The following TMCO5A variants were observed in gnomAD, a reference collection of about 807,000 sequenced individuals.
The protein encoded by TMCO5A is transmembrane and coiled-coil domain-containing protein 5A.
Under a neutral mutation model 42.3 loss-of-function variants are expected in TMCO5A, and 34 were observed. The observed-to-expected ratio is 0.80, with a 90% confidence interval of 0.61 to 1.07. The LOEUF is 1.07. TMCO5A is among the 50% of genes least tolerant of loss of function. The pLI, the probability that TMCO5A is intolerant of heterozygous loss-of-function variation, is 0.00. For missense variants in TMCO5A, 357 were observed against 327.9 expected (o/e 1.09, Z -0.69); for synonymous variants, 131 against 115.6 (o/e 1.13, Z -0.86).
chr15:38,013,309 C>T, the TMCO5A span, among the ~76,000 whole-genome samples: 1 of 150,956 alleles, frequency 6.6e-6, no homozygotes, highest in Admixed American at 6.6e-5. Context: ...CCAAGCACCA[C>T]AGGAAGGAGG....
chr15:37,942,313 C>T, intron 9 of TMCO5A, 58 bp downstream of exon 9: 3 of 1,525,310 alleles, frequency 2.0e-6, no homozygotes, highest in Non-Finnish European at 2.7e-6. Flanking sequence ...CAGCCTGAGT[C>T]AGAGCAAACA....
the TMCO5A span, among the ~76,000 whole-genome samples, chr15:38,012,900 C>T: frequency 6.6e-6 from 1 of 152,076 alleles, no homozygotes; most frequent in Non-Finnish European, 1.5e-5. Context: ...ATAGAGAAAT[C>T]TAAAGATTAC....
chr15:37,996,438 T>C, the TMCO5A span, among the ~76,000 whole-genome samples: 2 of 152,232 alleles, frequency 1.3e-5, no homozygotes, highest in African/African-American at 4.8e-5. Context: ...TTTGGGCTTC[T>C]CAACTCAAAA....
downstream of TMCO5A, among the ~76,000 whole-genome samples, chr15:37,970,620 G>A (rs1890655092): frequency 6.6e-6 from 1 of 152,212 alleles, no homozygotes; most frequent in Non-Finnish European, 1.5e-5. Flanking sequence ...GACAAGGAAA[G>A]TCCCTTCTGC....
chr15:38,036,291 A>G, the TMCO5A span, among the ~76,000 whole-genome samples: 5 of 152,186 alleles, frequency 3.3e-5, no homozygotes, highest in Middle Eastern at 3.4e-3. Flanking sequence ...ATCTTTTCCA[A>G]TGCTAGTCTC....
At chr15:38,029,489 G>A in the TMCO5A span, among the ~76,000 whole-genome samples, 1 of 151,982 alleles carries the variant, frequency 6.6e-6, no homozygotes, top group African/African-American at 2.4e-5. Context: ...TTGAGACAGG[G>A]TCTCTGTGTC....
At chr15:37,960,580 C>T (rs2065060258) in intron 11 of TMCO5A, among the ~76,000 whole-genome samples, 1 of 152,018 alleles carries the variant, frequency 6.6e-6, no homozygotes, top group African/African-American at 2.4e-5. Flanking sequence ...GGTAGTTCTA[C>T]TTTTAGTTGT....
At chr15:37,944,140 T>C (rs896874416) in intron 10 of TMCO5A, 1 of 152,118 alleles carries the variant, frequency 6.6e-6, no homozygotes, top group African/African-American at 2.4e-5. Context: ...AACACTTCCT[T>C]AAAAGCAAAT....
chr15:38,025,038 T>C, the TMCO5A span: 1 of 152,206 alleles, frequency 6.6e-6, no homozygotes, highest in Non-Finnish European at 1.5e-5. Context: ...TTTGTGATAG[T>C]TTGTTATGGC....
the TMCO5A span, among the ~76,000 whole-genome samples, chr15:37,977,293 GC>G: frequency 2.6e-5 from 4 of 152,116 alleles, no homozygotes; most frequent in African/African-American, 9.7e-5. Context: ...AGACACTCTG[GC>G]TTTTTGAGCT....
At chr15:38,029,275 T>C in the TMCO5A span, among the ~76,000 whole-genome samples, 2 of 151,854 alleles carry the variant, frequency 1.3e-5, no homozygotes, top group Non-Finnish European at 2.9e-5. Context: ...AAGTATACAG[T>C]CTACACACAC....
At chr15:37,948,748 C>T (rs1206483322) in intron 11 of TMCO5A, among the ~76,000 whole-genome samples, 1 of 152,036 alleles carries the variant, frequency 6.6e-6, no homozygotes, top group Non-Finnish European at 1.5e-5. Flanking sequence ...TCTTGTGGGG[C>T]ACTGGTACAC....
rs756113781 is a variant in TMCO5A at position 37,951,060 on chromosome 15, C to T, written c.693C>T (p.Ile231=). 1 of 1,611,892 alleles carries T rather than the reference C, an allele frequency of 6.2e-7. No homozygotes were observed. The highest frequency in any genetic ancestry group is 8.5e-7 in the Non-Finnish European group (1 of 1,179,680). ...GGATTTTTTGCTGTCTCTTTTTCAT[C>T]ACCCTATTTTTCATCAGACTGCTGA... ...SKKIFCCLFF[I]TLFFIRLLSY... The change falls in exon 12 of 12, where the codon ATC becomes ATT. Residue 231 remains isoleucine (I), a synonymous_variant. Transcript: ENST00000319669.
At chr15:38,017,200 A>C in the TMCO5A span, among the ~76,000 whole-genome samples, 1 of 152,196 alleles carries the variant, frequency 6.6e-6, no homozygotes, top group African/African-American at 2.4e-5. Context: ...GAATTTCTGG[A>C]TATTATAAAA....
At chr15:37,936,120 G>T (rs940647414) in intron 2 of TMCO5A, 194 bp from the exon 3 acceptor site, 47 of 514,686 alleles carry the variant, frequency 9.1e-5, no homozygotes, top group Non-Finnish European at 6.6e-5. Context: ...AAAGACCCTT[G>T]CTGACTGAGC....
chr15:38,014,128 A>G, the TMCO5A span, among the ~76,000 whole-genome samples: 1 of 152,218 alleles, frequency 6.6e-6, no homozygotes, highest in Non-Finnish European at 1.5e-5. Flanking sequence ...ACCTCAAGAT[A>G]GTTAATTTAA....
intron 11 of TMCO5A, 28 bp downstream of exon 11, chr15:37,947,724 C>A (rs548472960): frequency 6.5e-7 from 1 of 1,528,536 alleles, no homozygotes; most frequent in South Asian, 1.1e-5. Flanking sequence ...AGGTAAACTT[C>A]CTATAAAATT....
chr15:37,966,873 C>A, exon 12 of TMCO5A: 1 of 578,314 alleles, frequency 1.7e-6, no homozygotes, highest in African/African-American at 1.9e-5. Flanking sequence ...GGATTAAGAG[C>A]AGTCAAAGAA....
At chr15:37,947,603 A>T (rs1303340095) in intron 10 of TMCO5A, 53 bp from the exon 11 acceptor site, 3 of 1,165,166 alleles carry the variant, frequency 2.6e-6, no homozygotes, top group African/African-American at 3.1e-5. Context: ...TTATTGGATG[A>T]TGATAATAGC....
Sources: allele counts gnomAD v4.1 joint callset (sites outside exome capture counted in the v4.1 genomes callset), GRCh38; gene constraint gnomAD v4.1.1; transcripts MANE v1.5; gene names NCBI Gene and HGNC (gene_info 2026-07-23, HGNC 2026-07-21).